Variants in TMEM117 observed in about 807,000 individuals in gnomAD.
TMEM117 encodes the protein transmembrane protein 117.
A neutral mutation model predicts 52.4 loss-of-function variants in TMEM117; 27 were observed. That is an observed-to-expected ratio of 0.51 (90% CI 0.38 to 0.71). The LOEUF is 0.71. TMEM117 is among the 30% of genes least tolerant of loss of function. The pLI, the probability that TMEM117 is intolerant of heterozygous loss-of-function variation, is 0.00. For synonymous variants in TMEM117, 215 were observed against 206.3 expected (o/e 1.04, Z -0.36); for missense variants, 556 against 630.5 (o/e 0.88, Z 1.26).
chr12:44,338,744 A>G (rs538608166), intron 6 of TMEM117, among the ~76,000 whole-genome samples: 3 of 152,262 alleles, frequency 2.0e-5, no homozygotes, highest in African/African-American at 7.2e-5. Context: ...CTTAGTGGTG[A>G]AATATTAGAA....
At chr12:43,940,381 A>G (rs983718862) in intron 2 of TMEM117, among the ~76,000 whole-genome samples, 2 of 152,174 alleles carry the variant, frequency 1.3e-5, no homozygotes, top group Admixed American at 6.5e-5. Flanking sequence ...CTCTCAATTT[A>G]AAAAGTCTAG....
intron 3 of TMEM117, among the ~76,000 whole-genome samples, chr12:44,131,783 T>C (rs1216847213): frequency 6.6e-6 from 1 of 152,190 alleles, no homozygotes; most frequent in Non-Finnish European, 1.5e-5. Flanking sequence ...ATGTTGTTGT[T>C]ATTTGCATGT....
intron 2 of TMEM117, among the ~76,000 whole-genome samples, chr12:43,855,048 A>G (rs190308105): frequency 5.3e-5 from 8 of 152,346 alleles, no homozygotes; most frequent in Admixed American, 1.3e-4. Context: ...AGACATGTTA[A>G]TATTTCTGTA....
chr12:44,304,392 G>A (rs1281725631), intron 6 of TMEM117, among the ~76,000 whole-genome samples: 1 of 152,190 alleles, frequency 6.6e-6, no homozygotes, highest in Non-Finnish European at 1.5e-5. Flanking sequence ...AGGCAGTCTA[G>A]GCCACAAGGA....
intron 3 of TMEM117, among the ~76,000 whole-genome samples, chr12:44,115,442 G>T (rs1184314530): frequency 1.3e-5 from 2 of 151,992 alleles, no homozygotes; most frequent in East Asian, 1.9e-4. Context: ...ATGTACCCTA[G>T]AACTTAAAGT....
the TMEM117 span, chr12:43,804,551 A>C: frequency 6.2e-7 from 1 of 1,603,578 alleles, no homozygotes; most frequent in African/African-American, 1.3e-5. Flanking sequence ...TCTGGCAAAG[A>C]TCTCTTTAAC....
chr12:44,372,950 C>T (rs1951884636), intron 6 of TMEM117, among the ~76,000 whole-genome samples: 1 of 152,178 alleles, frequency 6.6e-6, no homozygotes, highest in Admixed American at 6.5e-5. Context: ...TATATCAAGA[C>T]ATCACATTGT....
intron 6 of TMEM117, among the ~76,000 whole-genome samples, chr12:44,308,483 G>A (rs1384308376): frequency 6.6e-6 from 1 of 152,148 alleles, no homozygotes; most frequent in Non-Finnish European, 1.5e-5. Context: ...CAGCATTGAA[G>A]ACTGACACAT....
chr12:44,009,854 G>A (rs1049331310), intron 3 of TMEM117: 2 of 273,206 alleles, frequency 7.3e-6, no homozygotes, highest in Middle Eastern at 6.0e-4. Flanking sequence ...AAATGGTCAG[G>A]AACTGCTCTA....
chr12:44,339,370 TCTACA>T lies in TMEM117; in HGVS notation c.769-37224_769-37220del, dbSNP rs200953348. On this transcript the variant is annotated intron_variant, in intron 6 of 7. Coordinates refer to ENST00000266534, the MANE Select transcript of TMEM117 (RefSeq NM_032256.3). Reference sequence around the variant, plus strand: ...AATGACATGGCCCTGATTGCAATGATCTACAACATCCACCATATTATATTCCCTAC... The same window carrying T: ...AATGACATGGCCCTGATTGCAATGATACATCCACCATATTATATTCCCTAC... Among the ~76,000 whole-genome samples the T allele has an allele frequency of 1.8e-4, 28 of 151,948 alleles. 1 individual carries two copies. The East Asian group carries it at 5.1e-3, about 28-fold the overall frequency.
At chr12:43,954,304 G>A (rs1945272404) in intron 3 of TMEM117, among the ~76,000 whole-genome samples, 1 of 152,052 alleles carries the variant, frequency 6.6e-6, no homozygotes, top group South Asian at 2.1e-4. Flanking sequence ...AACAAGCTCA[G>A]AGTGGAACTG....
chr12:44,327,483 A>C (rs1951211702), intron 6 of TMEM117, among the ~76,000 whole-genome samples: 1 of 152,204 alleles, frequency 6.6e-6, no homozygotes. Context: ...TGTTAACTAA[A>C]AGACACACTC....
At chr12:44,159,014 G>A (rs191609081) in intron 4 of TMEM117, among the ~76,000 whole-genome samples, 56 of 152,324 alleles carry the variant, frequency 3.7e-4, no homozygotes, top group Non-Finnish European at 2.2e-4. Flanking sequence ...GGTGATGCAT[G>A]TTTGATGTTT....
At chr12:44,328,499 A>C (rs1951224961) in intron 6 of TMEM117, among the ~76,000 whole-genome samples, 1 of 152,192 alleles carries the variant, frequency 6.6e-6, no homozygotes, top group African/African-American at 2.4e-5. Context: ...TAGCTTTTAT[A>C]GTTCCTTCGT....
intron 3 of TMEM117, among the ~76,000 whole-genome samples, chr12:44,025,644 G>A (rs78933883): frequency 0.016 from 2,473 of 151,604 alleles, 52 homozygotes; most frequent in African/African-American, 0.056. Context: ...TTGTATTTTC[G>A]AAAAAAAATG....
At chr12:44,241,812 C>T (rs1377111682) in intron 5 of TMEM117, among the ~76,000 whole-genome samples, 1 of 151,940 alleles carries the variant, frequency 6.6e-6, no homozygotes, top group East Asian at 1.9e-4. Context: ...AATCTCTGGA[C>T]TTCCTAGTCT....
chr12:44,174,536 T>A (rs1949092241), intron 4 of TMEM117, among the ~76,000 whole-genome samples: 1 of 152,240 alleles, frequency 6.6e-6, no homozygotes, highest in Admixed American at 6.5e-5. Flanking sequence ...CAATTATATT[T>A]GTTACTTATC....
At chr12:44,294,574 T>C (rs543383987) in intron 5 of TMEM117, among the ~76,000 whole-genome samples, 1 of 152,344 alleles carries the variant, frequency 6.6e-6, no homozygotes, top group South Asian at 2.1e-4. Context: ...TTTCTTTCTT[T>C]ACTAAGTCAA....
At chr12:44,337,335 T>C (rs924878666) in intron 6 of TMEM117, among the ~76,000 whole-genome samples, 9 of 151,966 alleles carry the variant, frequency 5.9e-5, no homozygotes, top group Non-Finnish European at 1.2e-4. Flanking sequence ...GATTTTATAA[T>C]CCATTCATGA....
Sources: allele counts gnomAD v4.1 joint callset (sites outside exome capture counted in the v4.1 genomes callset), GRCh38; gene constraint gnomAD v4.1.1; transcripts MANE v1.5; gene names NCBI Gene and HGNC (gene_info 2026-07-23, HGNC 2026-07-21).